Variants in GALNT17 observed in about 807,000 individuals in gnomAD.
The protein encoded by GALNT17 is polypeptide N-acetylgalactosaminyltransferase 17, also known as UDP-GalNAc:polypeptide N-acetylgalactosaminyltransferase-like 3.
Under a neutral mutation model 63.7 loss-of-function variants are expected in GALNT17, and 29 were observed. That is an observed-to-expected ratio of 0.46 (90% CI 0.34 to 0.62). The LOEUF is 0.62. GALNT17 is among the 20% of genes least tolerant of loss of function. GALNT17 has a pLI of 0.01. For synonymous variants in GALNT17, 305 were observed against 318.3 expected (o/e 0.96, Z 0.45); for missense variants, 603 against 799.6 (o/e 0.75, Z 2.97).
intron 1 of GALNT17, among the ~76,000 whole-genome samples, chr7:71,304,592 C>G (rs1031161478): frequency 6.6e-6 from 1 of 152,136 alleles, no homozygotes; most frequent in Admixed American, 6.6e-5. Flanking sequence ...TACCAGGCTC[C>G]CAAGATGCAA....
chr7:71,576,111 A>G (rs1458301964), intron 6 of GALNT17, among the ~76,000 whole-genome samples: 1 of 152,224 alleles, frequency 6.6e-6, no homozygotes, highest in Admixed American at 6.5e-5. Flanking sequence ...CTAATATATC[A>G]GTCCATTTAC....
chr7:71,590,035 C>T (rs983865618), intron 6 of GALNT17, among the ~76,000 whole-genome samples: 2 of 150,770 alleles, frequency 1.3e-5, no homozygotes, highest in South Asian at 2.1e-4. Flanking sequence ...GAACCATGCC[C>T]GTACATGTAT....
intron 5 of GALNT17, among the ~76,000 whole-genome samples, chr7:71,500,274 C>T (rs189528140): frequency 5.9e-4 from 90 of 152,234 alleles, no homozygotes; most frequent in African/African-American, 2.1e-3. Flanking sequence ...TTTGTGTCCT[C>T]CCATAGTGTT....
chr7:71,280,833 C>T (rs1405471915), intron 1 of GALNT17, among the ~76,000 whole-genome samples: 1 of 152,086 alleles, frequency 6.6e-6, no homozygotes, highest in African/African-American at 2.4e-5. Context: ...GGGATGGGGG[C>T]CTACAGTTGG....
chr7:71,316,942 C>G (rs1183545977), intron 1 of GALNT17, among the ~76,000 whole-genome samples: 2 of 152,174 alleles, frequency 1.3e-5, no homozygotes, highest in South Asian at 4.1e-4. Flanking sequence ...TCCACAAACT[C>G]TGGCCATTGA....
intron 6 of GALNT17, among the ~76,000 whole-genome samples, chr7:71,621,946 A>G (rs904787622): frequency 1.2e-4 from 19 of 152,210 alleles, no homozygotes; most frequent in African/African-American, 4.6e-4. Flanking sequence ...AGAGAATATC[A>G]TTCCTGCATG....
chr7:71,208,127 G>A (rs540293333), intron 1 of GALNT17, among the ~76,000 whole-genome samples: 83 of 151,952 alleles, frequency 5.5e-4, no homozygotes, highest in African/African-American at 2.0e-3. Context: ...TGAAGAGATG[G>A]GTTTTCTTCA....
intron 5 of GALNT17, among the ~76,000 whole-genome samples, chr7:71,484,802 T>TTTTC (rs1450902638): frequency 6.9e-6 from 1 of 144,642 alleles, no homozygotes; most frequent in African/African-American, 2.6e-5. Flanking sequence ...TCAGGATTTT[T>TTTTC]TTTTTTTTTT....
chr7:71,670,231 C>T, intron 8 of GALNT17, 122 bp downstream of exon 8: 1 of 1,348,004 alleles, frequency 7.4e-7, no homozygotes, highest in Non-Finnish European at 1.0e-6. Flanking sequence ...GAGGTGCTGG[C>T]CCTGATAGCA....
chr7:71,175,252 GTCCA>G (rs1454977198), intron 1 of GALNT17, among the ~76,000 whole-genome samples: 2 of 151,506 alleles, frequency 1.3e-5, no homozygotes, highest in African/African-American at 2.4e-5. Context: ...CCATCCATCT[GTCCA>G]TCCATCAGTC....
At chr7:71,448,415 G>T (rs1787196928) in intron 5 of GALNT17, among the ~76,000 whole-genome samples, 1 of 151,250 alleles carries the variant, frequency 6.6e-6, no homozygotes. Context: ...TTTTTGTTTG[G>T]GTGTTGAACC....
chr7:71,594,133 C>G (rs994852788), intron 6 of GALNT17, among the ~76,000 whole-genome samples: 1 of 151,938 alleles, frequency 6.6e-6, no homozygotes, highest in Non-Finnish European at 1.5e-5. Context: ...AAATTTGGGG[C>G]TCTTTTTGGA....
chr7:71,502,879 C>T (rs1038074452), intron 5 of GALNT17, among the ~76,000 whole-genome samples: 1 of 152,208 alleles, frequency 6.6e-6, no homozygotes, highest in African/African-American at 2.4e-5. Flanking sequence ...CCTCTGACTT[C>T]ACCCCAGGAT....
At chr7:71,337,217 G>A (rs4270841) in intron 2 of GALNT17, among the ~76,000 whole-genome samples, 81,671 of 151,868 alleles carry the variant, frequency 0.54, 22,278 homozygotes, top group Non-Finnish European at 0.58. Context: ...ACATTAAATC[G>A]TGAGTATTTT....
intron 2 of GALNT17, among the ~76,000 whole-genome samples, chr7:71,338,698 C>T (rs1173665862): frequency 1.3e-5 from 2 of 152,198 alleles, no homozygotes; most frequent in African/African-American, 4.8e-5. Flanking sequence ...GCTTCTCAAA[C>T]AGATTCTCCA....
chr7:71,622,878 T>TG (rs1449491395), intron 6 of GALNT17, among the ~76,000 whole-genome samples: 1 of 152,216 alleles, frequency 6.6e-6, no homozygotes, highest in African/African-American at 2.4e-5. Context: ...TGCTGGACTT[T>TG]GAGGGATTCC....
intron 1 of GALNT17, among the ~76,000 whole-genome samples, chr7:71,292,660 AGAGAGAGAGT>A (rs1233564718): frequency 8.6e-6 from 1 of 116,874 alleles, no homozygotes; most frequent in African/African-American, 4.1e-5. Context: ...AGACAGAGAG[AGAGAGAGAGT>A]GTGTGTGTGT....
chr7:71,567,249 C>T (rs986324588), intron 5 of GALNT17, among the ~76,000 whole-genome samples: 3 of 152,140 alleles, frequency 2.0e-5, no homozygotes, highest in East Asian at 1.9e-4. Flanking sequence ...GCCATGCTTT[C>T]CCCTGGCATA....
chr7:71,628,691 G>A (rs1790411519), intron 6 of GALNT17, among the ~76,000 whole-genome samples: 1 of 152,084 alleles, frequency 6.6e-6, no homozygotes, highest in Non-Finnish European at 1.5e-5. Context: ...AGCACTTTGG[G>A]AGGCTGAGGC....
Sources: gnomAD v4.1 joint callset for allele counts (sites outside exome capture counted in the v4.1 genomes callset) on GRCh38, gnomAD v4.1.1 for gene constraint, MANE v1.5 for transcripts, NCBI Gene and HGNC (gene_info 2026-07-23, HGNC 2026-07-21) for gene names.